CACNA2D1: variants seen among roughly 807,000 people sequenced by gnomAD.
CACNA2D1 encodes calcium voltage-gated channel auxiliary subunit alpha2delta 1.
CACNA2D1 carries 53 observed loss-of-function variants against 171.5 expected under a neutral mutation model. That is an observed-to-expected ratio of 0.31 (90% CI 0.25 to 0.39). The LOEUF (loss-of-function observed/expected upper bound fraction) is 0.39, where lower values mean the gene tolerates loss of function less well. Ranked by LOEUF, CACNA2D1 falls within the 10% of genes least tolerant of loss-of-function variation. The pLI, the probability that CACNA2D1 is intolerant of heterozygous loss-of-function variation, is 1.00. For missense variants in CACNA2D1, 903 were observed against 1,299.8 expected, an observed-to-expected ratio of 0.69 and a Z score of 4.69; for synonymous variants, 442 against 443.1, an observed-to-expected ratio of 1.00 and a Z score of 0.03.
At chr7:82,204,725 ACCTGTGTGTCCAGGG>A (rs1247208588) in intron 3 of CACNA2D1, among the ~76,000 whole-genome samples, 1 of 152,046 alleles carries the variant, frequency 6.6e-6, no homozygotes, top group Admixed American at 6.6e-5. Flanking sequence ...TATGTGTTGG[ACCTGTGTGTCCAGGG>A]CCTGTGTGCC....
At chr7:82,125,097 C>G (rs1183486052) in intron 5 of CACNA2D1, among the ~76,000 whole-genome samples, 1 of 152,102 alleles carries the variant, frequency 6.6e-6, no homozygotes, top group Non-Finnish European at 1.5e-5. Flanking sequence ...TTAATGTAGA[C>G]AAGACTCTGC....
chr7:82,038,537 GA>G (rs1226887637), intron 10 of CACNA2D1, among the ~76,000 whole-genome samples: 9 of 152,096 alleles, frequency 5.9e-5, no homozygotes, highest in African/African-American at 2.2e-4. Context: ...TGAGCATGTA[GA>G]AAAAATAATC....
intron 3 of CACNA2D1, among the ~76,000 whole-genome samples, chr7:82,265,035 C>A (rs559139852): frequency 2.0e-5 from 3 of 152,160 alleles, no homozygotes; most frequent in Non-Finnish European, 4.4e-5. Context: ...ACACATAAGT[C>A]TTCGTCCAAA....
At chr7:82,346,696 GA>G (rs564757744) in intron 2 of CACNA2D1, among the ~76,000 whole-genome samples, 12 of 147,372 alleles carry the variant, frequency 8.1e-5, no homozygotes, top group South Asian at 2.1e-4. Flanking sequence ...TTTTCTTTTT[GA>G]AAAAAAAAAT....
intron 1 of CACNA2D1, among the ~76,000 whole-genome samples, chr7:82,385,300 A>T (rs3801681): frequency 0.13 from 19,831 of 152,262 alleles, 1,495 homozygotes; most frequent in South Asian, 0.28. Context: ...CTACAGAAGG[A>T]ATTATTAGTT....
intron 11 of CACNA2D1, among the ~76,000 whole-genome samples, chr7:82,037,206 C>T (rs888558839): frequency 1.3e-5 from 2 of 152,162 alleles, no homozygotes; most frequent in Admixed American, 1.3e-4. Flanking sequence ...AGGCTGGAAG[C>T]GGTAGCTCAT....
chr7:81,986,842 T>A (rs1305472152), intron 21 of CACNA2D1, among the ~76,000 whole-genome samples: 1 of 152,194 alleles, frequency 6.6e-6, no homozygotes, highest in Non-Finnish European at 1.5e-5. Flanking sequence ...CCTTTCATGA[T>A]TCACTTGCCA....
chr7:82,013,217 T>C (rs1159488786), intron 14 of CACNA2D1, among the ~76,000 whole-genome samples: 1 of 152,000 alleles, frequency 6.6e-6, no homozygotes, highest in African/African-American at 2.4e-5. Context: ...TTTTCTATGA[T>C]GTTTGTAACA....
intron 4 of CACNA2D1, among the ~76,000 whole-genome samples, chr7:82,162,387 T>G (rs1464954178): frequency 1.3e-5 from 2 of 151,904 alleles, no homozygotes; most frequent in African/African-American, 4.8e-5. Flanking sequence ...AAAGAGAAGA[T>G]AGCATAAGAA....
At chr7:82,204,082 C>G (rs1263781928) in intron 3 of CACNA2D1, among the ~76,000 whole-genome samples, 1 of 152,202 alleles carries the variant, frequency 6.6e-6, no homozygotes, top group Non-Finnish European at 1.5e-5. Flanking sequence ...AGGGCATCCT[C>G]CATTCCCTAT....
At chr7:82,179,995 G>A (rs1197289745) in intron 3 of CACNA2D1, among the ~76,000 whole-genome samples, 1 of 151,914 alleles carries the variant, frequency 6.6e-6, no homozygotes, top group Non-Finnish European at 1.5e-5. Context: ...GCTGAGACTA[G>A]AAACTTCAGA....
At chr7:82,021,049 T>TAATG (rs1801138937) in intron 12 of CACNA2D1, 1 of 152,140 alleles carries the variant, frequency 6.6e-6, no homozygotes, top group Admixed American at 6.6e-5. Flanking sequence ...CTAGCAACTA[T>TAATG]AATGAATCAT....
intron 3 of CACNA2D1, among the ~76,000 whole-genome samples, chr7:82,256,957 C>G (rs1200899969): frequency 6.6e-6 from 1 of 152,114 alleles, no homozygotes; most frequent in African/African-American, 2.4e-5. Flanking sequence ...GTAACTACTT[C>G]ACCTAAACTA....
intron 3 of CACNA2D1, among the ~76,000 whole-genome samples, chr7:82,236,431 C>T (rs1803597035): frequency 6.6e-6 from 1 of 152,000 alleles, no homozygotes; most frequent in Non-Finnish European, 1.5e-5. Flanking sequence ...ACATGCATAA[C>T]TAATGCACAA....
intron 5 of CACNA2D1, among the ~76,000 whole-genome samples, chr7:82,124,934 T>G: frequency 6.6e-6 from 1 of 152,216 alleles, no homozygotes; most frequent in East Asian, 1.9e-4. Flanking sequence ...TTTTTCCTTT[T>G]TCTTTAATAA....
At position 81,955,980 on chromosome 7, in the gene CACNA2D1, A is replaced by ATATATATAT. The variant is rs58075516; in HGVS notation, c.3159+3294_3159+3295insATATATATA. ...TGTTGCTATATATATATATATATAT[A>ATATATATAT]TTTTTTTTTTTTTTTTTTTTTTTTG... is the stretch of plus-strand genomic sequence containing the variant. On this transcript the variant is annotated intron_variant, in intron 38 of 38. Coordinates refer to ENST00000356860, the MANE Select transcript of CACNA2D1 (RefSeq NM_000722.4). Among the ~76,000 whole-genome samples the ATATATATAT allele has an allele frequency of 6.7e-3, 232 of 34,556 alleles. 3 individuals carry two copies. The highest frequency in any genetic ancestry group is 8.7e-3 in the East Asian group (6 of 692). The allele number at this position is 34,556 out of a possible 152,430, so 22.7% of individuals were successfully genotyped here.
intron 1 of CACNA2D1, among the ~76,000 whole-genome samples, chr7:82,395,860 G>A (rs1362243486): frequency 1.3e-5 from 2 of 152,096 alleles, no homozygotes; most frequent in Non-Finnish European, 2.9e-5. Context: ...ACTACTTTGA[G>A]TCCCAATCAT....
chr7:82,285,608 C>A (rs1484179359), intron 3 of CACNA2D1, among the ~76,000 whole-genome samples: 1 of 152,062 alleles, frequency 6.6e-6, no homozygotes, highest in African/African-American at 2.4e-5. Context: ...TTGGCTGGAT[C>A]CACTATGATT....
At chr7:82,282,919 C>T (rs1289877160) in intron 3 of CACNA2D1, among the ~76,000 whole-genome samples, 1 of 152,058 alleles carries the variant, frequency 6.6e-6, no homozygotes, top group African/African-American at 2.4e-5. Context: ...CTGCAATTCG[C>T]CTAATATAAG....
Sources: gnomAD v4.1 joint callset for allele counts (sites outside exome capture counted in the v4.1 genomes callset) on GRCh38, gnomAD v4.1.1 for gene constraint, MANE v1.5 for transcripts, NCBI Gene and HGNC (gene_info 2026-07-23, HGNC 2026-07-21) for gene names.